The following RIC1 variants were observed in gnomAD, a reference collection of about 807,000 sequenced individuals.
RIC1 encodes the protein RIC1 partner of RAB6A GEF complex.
In RIC1, 88 loss-of-function variants were observed where a neutral mutation model predicts 169.0. The ratio of observed to expected loss-of-function variants is 0.52; its 90% CI spans 0.44 to 0.62. The LOEUF is 0.62. Among genes scored for constraint, RIC1 ranks in the 20% least tolerant of loss-of-function variants. The pLI, the probability that RIC1 is intolerant of heterozygous loss-of-function variation, is 0.00. For missense variants in RIC1, 1,877 were observed against 1,725.5 expected, an observed-to-expected ratio of 1.09 and a Z score of -1.56; for synonymous variants, 790 against 601.5, an observed-to-expected ratio of 1.31 and a Z score of -4.59.
intron 2 of RIC1, among the ~76,000 whole-genome samples, chr9:5,679,184 G>C (rs1820648287): frequency 6.6e-6 from 1 of 152,124 alleles, no homozygotes; most frequent in African/African-American, 2.4e-5. Flanking sequence ...TGAGGGCTCT[G>C]TTCTGTTCCA....
At chr9:5,688,186 T>A (rs547953167) in intron 2 of RIC1, among the ~76,000 whole-genome samples, 1 of 77,678 alleles carries the variant, frequency 1.3e-5, no homozygotes, top group Non-Finnish European at 3.3e-5. Flanking sequence ...TGCATTGTTT[T>A]GATTGGTTGA....
intron 1 of RIC1, among the ~76,000 whole-genome samples, chr9:5,638,701 A>G (rs1452602734): frequency 1.3e-5 from 2 of 151,744 alleles, no homozygotes; most frequent in East Asian, 3.9e-4. Context: ...CTTATCTCTG[A>G]TTTTATTTAT....
chr9:5,710,217 G>C (rs1160233077), intron 3 of RIC1, among the ~76,000 whole-genome samples: 1 of 152,200 alleles, frequency 6.6e-6, no homozygotes, highest in East Asian at 1.9e-4. Context: ...GAATATAGGA[G>C]TGAGGCAGGG....
At position 5,705,995 on chromosome 9, in the gene RIC1, C is replaced by G. The variant is rs180714444; in HGVS notation, c.333-7901C>G. ...CACCATTGTATTCTTAGGCTAAAGC[C>G]CACTTGGTAGTGGTGGATAATCCTT... On this transcript the variant is annotated intron_variant, in intron 3 of 25. Transcript: ENST00000414202. Among the ~76,000 whole-genome samples the G allele has an allele frequency of 1.2e-4, 18 of 152,228 alleles. No homozygotes were observed. The East Asian group carries it at 2.7e-3, about 23-fold the overall frequency.
At position 5,761,929 on chromosome 9, in the gene RIC1, T is replaced by TC. The variant is rs1423135416; in HGVS notation, c.1993-610dup. Reference sequence around the variant, plus strand: ...AGTCAACACCCATGAAATCTGCCTCTCCTCAGTAACCTATCCTGATTAACT... The same window carrying TC: ...AGTCAACACCCATGAAATCTGCCTCTCCCTCAGTAACCTATCCTGATTAACT... On this transcript the variant is annotated intron_variant, in intron 17 of 25. Coordinates refer to ENST00000414202, the MANE Select transcript of RIC1 (RefSeq NM_020829.4). 5.9e-5 allele frequency among the ~76,000 whole-genome samples: 9 copies of TC among 152,376 alleles called. No homozygotes were observed. The East Asian group carries it at 1.7e-3, about 29-fold the overall frequency.
At chr9:5,720,564 T>A in intron 5 of RIC1, 50 bp from the exon 6 acceptor site, 1 of 1,509,320 alleles carries the variant, frequency 6.6e-7, no homozygotes, top group Non-Finnish European at 8.9e-7. Flanking sequence ...AGTGAGAGAG[T>A]AATTTATTAT....
chr9:5,727,480 G>C (rs780231155), intron 6 of RIC1, among the ~76,000 whole-genome samples: 11 of 152,202 alleles, frequency 7.2e-5, no homozygotes, highest in African/African-American at 2.4e-4. Context: ...CAATGGGTTC[G>C]AGCATCCTTC....
In RIC1 at chr9:5,774,324, A is replaced by G. The variant is rs529391152; in HGVS notation, c.*78A>G. The G allele has an allele frequency of 1.2e-5, 15 of 1,256,764 alleles. No homozygotes were observed. The Admixed American group carries it at 3.5e-4, about 29-fold the overall frequency. 77.9% of individuals were successfully genotyped at this position (1,256,764 alleles called of 1,614,324 possible). On this transcript the variant is annotated 3_prime_UTR_variant, in exon 26 of 26. Transcript: ENST00000414202. ...CAGTACGTTGTAACATAGTTGGATG[A>G]TTTAACAGGAGAACTCAGTTCAGAG...
chr9:5,673,642 C>T (rs1045925525), intron 2 of RIC1, among the ~76,000 whole-genome samples: 2 of 150,168 alleles, frequency 1.3e-5, no homozygotes, highest in Admixed American at 6.6e-5. Context: ...AACTTCCATA[C>T]TTTGGAATAT....
chr9:5,671,256 T>TTTA (rs1035211190), intron 2 of RIC1, among the ~76,000 whole-genome samples: 78 of 149,432 alleles, frequency 5.2e-4, no homozygotes, highest in Non-Finnish European at 1.1e-3. Flanking sequence ...TATTATTTAT[T>TTTA]TTATTATTAT....
chr9:5,707,078 C>T (rs7872875), intron 3 of RIC1, among the ~76,000 whole-genome samples: 48,872 of 152,010 alleles, frequency 0.32, 11,183 homozygotes, highest in African/African-American at 0.65. Context: ...TATCCCATAA[C>T]GTTGCATGTT....
intron 1 of RIC1, among the ~76,000 whole-genome samples, chr9:5,641,962 A>C (rs944113749): frequency 7.0e-6 from 1 of 143,640 alleles, no homozygotes; most frequent in African/African-American, 2.9e-5. Context: ...GTTTTCCTGG[A>C]TGATCTTGAT....
intron 1 of RIC1, among the ~76,000 whole-genome samples, chr9:5,631,982 G>T (rs926855866): frequency 1.3e-5 from 2 of 152,136 alleles, no homozygotes; most frequent in Non-Finnish European, 2.9e-5. Context: ...GGTTTAAAAA[G>T]TTCTCATGGA....
chr9:5,736,973 C>T (rs1824750161), intron 7 of RIC1, among the ~76,000 whole-genome samples: 1 of 125,718 alleles, frequency 8.0e-6, no homozygotes, highest in Non-Finnish European at 1.7e-5. Context: ...CATCTGATTT[C>T]TCCTACCACC....
At chr9:5,725,173 A>AATCTGTCTCGTCCTGG (rs1823885232) in intron 6 of RIC1, among the ~76,000 whole-genome samples, 1 of 152,134 alleles carries the variant, frequency 6.6e-6, no homozygotes, top group African/African-American at 2.4e-5. Flanking sequence ...TTTGGCTGTG[A>AATCTGTCTCGTCCTGG]ATCTGTCTCG....
In RIC1 at chr9:5,757,337, A is replaced by T; in HGVS notation, c.1878A>T (p.Gln626His). ...GTCCAAATACTACTGCTGGTATTCA[A>T]GTTCTTCAGGAGGTTTCCATGTCAC... ...SDGPNTTAGI[Q>H]VLQEVSMSRY... Residue 626 changes from glutamine to histidine, a missense_variant, in exon 17 of 26, where the codon CAA becomes CAT. By Grantham distance (24) the Gln-to-His change is conservative. Around this residue, in one of 3 missense-constraint regions of RIC1, gnomAD observed 1,104 missense variants for 992.0 expected, o/e 1.11. Coordinates refer to ENST00000414202, the MANE Select transcript of RIC1 (RefSeq NM_020829.4). The T allele has an allele frequency of 6.2e-7, 1 of 1,614,040 alleles. No homozygotes were observed. The highest frequency in any genetic ancestry group is 1.1e-5 in the South Asian group (1 of 91,076).
At chr9:5,709,646 G>A (rs546209899) in intron 3 of RIC1, among the ~76,000 whole-genome samples, 1 of 152,074 alleles carries the variant, frequency 6.6e-6, no homozygotes, top group African/African-American at 2.4e-5. Flanking sequence ...TATTCTTCTA[G>A]CCTCATCTTC....
intron 1 of RIC1, among the ~76,000 whole-genome samples, chr9:5,630,398 A>G (rs1467116480): frequency 6.6e-6 from 1 of 152,176 alleles, no homozygotes; most frequent in Non-Finnish European, 1.5e-5. Context: ...TTTCCAAGTT[A>G]ATTTGACCAT....
At chr9:5,706,649 T>C (rs570594196) in intron 3 of RIC1, among the ~76,000 whole-genome samples, 1 of 152,214 alleles carries the variant, frequency 6.6e-6, no homozygotes, top group Non-Finnish European at 1.5e-5. Context: ...TCTATTCATA[T>C]GTTTTATTTC....
Sources: gnomAD v4.1 joint callset for allele counts (sites outside exome capture counted in the v4.1 genomes callset) on GRCh38, gnomAD v4.1.1 for gene constraint, gnomAD v4.1.1 regional missense constraint, MANE v1.5 for transcripts, NCBI Gene and HGNC (gene_info 2026-07-23, HGNC 2026-07-21) for gene names.